WARS1: variants seen among roughly 807,000 people sequenced by gnomAD.
WARS1 encodes the protein tryptophanyl-tRNA synthetase 1.
In WARS1, 17 loss-of-function variants were observed where a neutral mutation model predicts 47.8. That is an observed-to-expected ratio of 0.36 (90% CI 0.24 to 0.53). The LOEUF (loss-of-function observed/expected upper bound fraction) is 0.53. Among genes scored for constraint, WARS1 ranks in the 20% least tolerant of loss-of-function variants. The pLI is 0.91. For synonymous variants in WARS1, 208 were observed against 228.1 expected, an observed-to-expected ratio of 0.91 and a Z score of 0.79; for missense variants, 434 against 608.0, an observed-to-expected ratio of 0.71 and a Z score of 3.01.
intron 4 of WARS1, among the ~76,000 whole-genome samples, chr14:100,355,870 A>G (rs989912645): frequency 1.3e-5 from 2 of 152,192 alleles, no homozygotes; most frequent in African/African-American, 4.8e-5. Context: ...GAAGGAAAGA[A>G]TCCTTCTTTG....
At chr14:100,366,798 C>T (rs529808658) in intron 2 of WARS1, 629 of 1,388,086 alleles carry the variant, frequency 4.5e-4, no homozygotes, top group Non-Finnish European at 6.2e-4. Context: ...GGTGGCTTTG[C>T]AAAGAGTGTT....
chr14:100,372,350 A>C (rs1896403437), intron 1 of WARS1, among the ~76,000 whole-genome samples: 1 of 152,226 alleles, frequency 6.6e-6, no homozygotes, highest in Admixed American at 6.5e-5. Flanking sequence ...TTGAAAAAAA[A>C]GTATGTAAAT....
chr14:100,338,319 G>A (rs111370435), intron 9 of WARS1, among the ~76,000 whole-genome samples: 12 of 152,128 alleles, frequency 7.9e-5, no homozygotes, highest in Admixed American at 5.2e-4. Flanking sequence ...AGGCTGGAGT[G>A]CAGTGGTGTG....
At chr14:100,337,503 T>C (rs1303213396) in intron 9 of WARS1, among the ~76,000 whole-genome samples, 1 of 152,064 alleles carries the variant, frequency 6.6e-6, no homozygotes, top group East Asian at 1.9e-4. Flanking sequence ...GCCAAGGCAC[T>C]GATTGAACTG....
At chr14:100,352,108 CTTTTT>C (rs1172421175) in intron 6 of WARS1, among the ~76,000 whole-genome samples, 3,054 of 94,190 alleles carry the variant, frequency 0.032, 70 homozygotes, top group African/African-American at 0.095. Context: ...CAGTTTCTTT[CTTTTT>C]TTTTTTTTTT....
intron 6 of WARS1, among the ~76,000 whole-genome samples, chr14:100,352,422 C>G (rs4905954): frequency 0.68 from 104,031 of 152,000 alleles, 36,803 homozygotes; most frequent in Admixed American, 0.81. Context: ...CTGGCTGCCA[C>G]TACTCAGTTT....
chr14:100,362,069 C>T, intron 2 of WARS1, 148 bp from the exon 3 acceptor site: 1 of 798,282 alleles, frequency 1.3e-6, no homozygotes, highest in Non-Finnish European at 2.0e-6. Context: ...GTATTGTTGT[C>T]ACTGTCCTTT....
At chr14:100,369,019 G>A (rs991061791) in intron 2 of WARS1, 68 bp downstream of exon 2, 2 of 1,202,386 alleles carry the variant, frequency 1.7e-6, no homozygotes, top group African/African-American at 3.1e-5. Flanking sequence ...ATCTATTCTA[G>A]AGGAACACAA....
chr14:100,342,709 C>T, intron 8 of WARS1, 138 bp from the exon 9 acceptor site: 1 of 569,444 alleles, frequency 1.8e-6, no homozygotes, highest in African/African-American at 2.5e-5. Context: ...TCCCCTTCAT[C>T]TTTTCCTTTT....
chr14:100,360,276 A>G (rs976222653), intron 4 of WARS1, among the ~76,000 whole-genome samples: 7 of 152,152 alleles, frequency 4.6e-5, no homozygotes, highest in Non-Finnish European at 2.9e-5. Context: ...TAATTTCTTT[A>G]CAGCCTGTAA....
intron 10 of WARS1, among the ~76,000 whole-genome samples, chr14:100,335,248 C>A (rs949879714): frequency 1.3e-5 from 2 of 152,230 alleles, no homozygotes; most frequent in Non-Finnish European, 2.9e-5. Context: ...TGACGATAGC[C>A]ATGACTTGGC....
chr14:100,338,417 C>T (rs975182882), intron 9 of WARS1, among the ~76,000 whole-genome samples: 2 of 152,042 alleles, frequency 1.3e-5, no homozygotes, highest in Non-Finnish European at 2.9e-5. Flanking sequence ...AGGTGTGTGC[C>T]ACCAGCCTGG....
At chr14:100,340,718 T>C (rs1456017198) in intron 9 of WARS1, among the ~76,000 whole-genome samples, 1 of 152,038 alleles carries the variant, frequency 6.6e-6, no homozygotes, top group Non-Finnish European at 1.5e-5. Flanking sequence ...ATTTTGGAGC[T>C]GAAGTCGGGC....
At chr14:100,368,438 T>C (rs1194282244) in intron 2 of WARS1, 1 of 456,076 alleles carries the variant, frequency 2.2e-6, no homozygotes, top group South Asian at 1.5e-5. Flanking sequence ...AAGGTACGAA[T>C]GCTTCATTTC....
chr14:100,365,760 A>T (rs1202222732), intron 2 of WARS1, among the ~76,000 whole-genome samples: 26 of 149,326 alleles, frequency 1.7e-4, no homozygotes, highest in African/African-American at 6.4e-4. Context: ...GCATAATCCC[A>T]CAAGGACAAA....
rs1332974541 is a variant in WARS1 at position 100,361,883 on chromosome 14, T to C, written c.138A>G (p.Leu46=). 6 of 1,614,228 alleles carry C rather than the reference T, an allele frequency of 3.7e-6. No homozygotes were observed. The change falls in exon 3 of 11, where the codon TTA becomes TTG. Residue 46 remains leucine, a synonymous_variant. Transcript: ENST00000392882. ...CCGCGGCAGCTTTGTAGCTCATTTT[T>C]AATGACACCAACATCTTTACTGCAG... is the stretch of plus-strand genomic sequence containing the variant. ...IDSAVKMLVS[L]KMSYKAAAGE... is the part of the protein sequence containing the mutation.
chr14:100,340,347 C>T (rs1455167797), intron 9 of WARS1: 1 of 152,278 alleles, frequency 6.6e-6, no homozygotes, highest in East Asian at 1.9e-4. Flanking sequence ...CTCTGTGTGA[C>T]AGGAAATGAT....
chr14:100,335,535 G>A (rs971822533), intron 10 of WARS1, among the ~76,000 whole-genome samples: 15 of 151,920 alleles, frequency 9.9e-5, no homozygotes, highest in Non-Finnish European at 1.5e-4. Flanking sequence ...CTGCCACCAC[G>A]CCTGGCTAAT....
chr14:100,374,150 C>T (rs995574679), intron 1 of WARS1: 1 of 152,194 alleles, frequency 6.6e-6, no homozygotes, highest in Admixed American at 6.5e-5. Context: ...CGAAAGGAGG[C>T]TGAGATGCCA....
Sources: gnomAD v4.1 joint callset for allele counts (sites outside exome capture counted in the v4.1 genomes callset) on GRCh38, gnomAD v4.1.1 for gene constraint, MANE v1.5 for transcripts, NCBI Gene and HGNC (gene_info 2026-07-23, HGNC 2026-07-21) for gene names.